Variants in CLIP2 observed in about 807,000 individuals in gnomAD.
CLIP2 encodes CAP-Gly domain containing linker protein 2.
A neutral mutation model predicts 111.7 loss-of-function variants in CLIP2; 41 were observed. The ratio of observed to expected loss-of-function variants is 0.37; its 90% CI spans 0.29 to 0.48. CLIP2 has a LOEUF of 0.48. Among genes scored for constraint, CLIP2 ranks in the 20% least tolerant of loss-of-function variants. The probability of loss-of-function intolerance (pLI) is 0.99; values close to 1 mark genes in which losing one functional copy is unlikely to be tolerated. For missense variants in CLIP2, 1,160 were observed against 1,422.1 expected (o/e 0.82, Z 2.96); for synonymous variants, 660 against 644.2 (o/e 1.02, Z -0.37).
Position 74,325,601 on chromosome 7 carries a change from G to A in CLIP2, c.121+7934G>A, listed in dbSNP as rs188767926. ...AATCCCAGCACTTTGAGAGGCCGAC[G>A]CAGGTGGATCACTTGAAGTCAGGAG... On this transcript the variant is annotated intron_variant, in intron 2 of 16. Coordinates refer to ENST00000223398, the MANE Select transcript of CLIP2 (RefSeq NM_003388.5). 1.1e-3 allele frequency among the ~76,000 whole-genome samples: 171 copies of A among 152,302 alleles called. 1 individual carries two copies. The highest frequency in any genetic ancestry group is 5.4e-4 in the Non-Finnish European group (37 of 68,032).
rs374480419 is a variant in CLIP2, at chr7:74,397,966, C to G, written c.2880+733C>G. Reference sequence around the variant, plus strand: ...ACAGGTGTCAGCCACTGCGCCCGGTCGAGATTTCTTTTCTATTATGAATAG... The same window carrying G: ...ACAGGTGTCAGCCACTGCGCCCGGTGGAGATTTCTTTTCTATTATGAATAG... On this transcript the variant is annotated intron_variant, in intron 14 of 16. Coordinates refer to ENST00000223398, the MANE Select transcript of CLIP2 (RefSeq NM_003388.5). 4.0e-5 allele frequency among the ~76,000 whole-genome samples: 6 copies of G among 151,708 alleles called. No homozygotes were observed. In the East Asian group the frequency reaches 7.8e-4, roughly 20 times the overall value.
At chr7:74,335,271 A>C (rs1196318918) in intron 2 of CLIP2, among the ~76,000 whole-genome samples, 1 of 26,060 alleles carries the variant, frequency 3.8e-5, no homozygotes, top group African/African-American at 7.0e-5. Flanking sequence ...ACTCCATCTC[A>C]AAAAAAAAAA....
At chr7:74,398,858 C>T (rs1410192455) in intron 14 of CLIP2, among the ~76,000 whole-genome samples, 1 of 152,164 alleles carries the variant, frequency 6.6e-6, no homozygotes, top group African/African-American at 2.4e-5. Context: ...CTTGAATACC[C>T]CCAGGGGCTT....
chr7:74,400,502 C>T lies in CLIP2; in HGVS notation c.3013C>T (p.Gln1005Ter). The change falls in exon 15 of 17, where the codon CAG becomes TAG. Residue 1005 changes from glutamine (Q) to a stop codon, truncating the protein, a stop_gained. Transcript: ENST00000223398. LOFTEE classifies it high-confidence loss of function. ...CCTGCGGGATGCGCTGGACCAGGCT[C>T]AGCAGGTGGAGAAGCTGATGGAGGC... ...DALRDALDQAQQVEKLMEAMR... is the reference protein window; with the variant it reads ...DALRDALDQA 6.2e-7 allele frequency: 1 copy of T among 1,611,894 alleles called. No homozygotes were observed. Among genetic ancestry groups the T allele is most frequent in the Non-Finnish European group, 8.5e-7 (1 of 1,178,892 alleles).
intron 2 of CLIP2, among the ~76,000 whole-genome samples, chr7:74,325,668 C>G (rs1554730600): frequency 6.6e-6 from 1 of 151,878 alleles, no homozygotes; most frequent in East Asian, 1.9e-4. Context: ...CTCGTCTCTA[C>G]TAAAAATACA....
chr7:74,319,770 A>G (rs1788891771), intron 2 of CLIP2, among the ~76,000 whole-genome samples: 1 of 151,588 alleles, frequency 6.6e-6, no homozygotes, highest in African/African-American at 2.4e-5. Context: ...GCAGTGAGCC[A>G]TGATCACACC....
At chr7:74,359,161 G>T (rs112166126) in intron 6 of CLIP2, among the ~76,000 whole-genome samples, 100 of 151,198 alleles carry the variant, frequency 6.6e-4, no homozygotes, top group African/African-American at 2.2e-3. Context: ...TAGAGAAGGG[G>T]TTTCACCATG....
chr7:74,323,694 G>A (rs1437498988), intron 2 of CLIP2, among the ~76,000 whole-genome samples: 2 of 152,182 alleles, frequency 1.3e-5, no homozygotes, highest in Non-Finnish European at 2.9e-5. Flanking sequence ...CCAAAGTGCT[G>A]GGATCACAGG....
At chr7:74,337,380 T>C (rs1165474085) in intron 2 of CLIP2, among the ~76,000 whole-genome samples, 1 of 152,028 alleles carries the variant, frequency 6.6e-6, no homozygotes, top group Non-Finnish European at 1.5e-5. Context: ...CTGGTAGCCT[T>C]TTGTGGGCCC....
intron 2 of CLIP2, among the ~76,000 whole-genome samples, chr7:74,324,923 C>A (rs1013020658): frequency 1.3e-5 from 2 of 152,094 alleles, no homozygotes; most frequent in African/African-American, 4.8e-5. Flanking sequence ...CTCACCCACC[C>A]ATGCAACTGT....
intron 12 of CLIP2, chr7:74,388,829 T>A (rs1554315283): frequency 1.4e-5 from 4 of 286,278 alleles, no homozygotes; most frequent in East Asian, 1.4e-4. Flanking sequence ...GATGGTGCAC[T>A]CCTGTAGTCC....
At chr7:74,318,627 C>T (rs941760897) in intron 2 of CLIP2, among the ~76,000 whole-genome samples, 1 of 151,960 alleles carries the variant, frequency 6.6e-6, no homozygotes, top group Non-Finnish European at 1.5e-5. Flanking sequence ...GCAGGAAAAT[C>T]GTTTGAACTC....
At chr7:74,401,777 A>G in intron 16 of CLIP2, 1 of 695,644 alleles carries the variant, frequency 1.4e-6, no homozygotes, top group East Asian at 2.8e-5. Flanking sequence ...TTCTTAAAAA[A>G]GTTATAGGTT....
chr7:74,321,051 C>T (rs1214151944), intron 2 of CLIP2, among the ~76,000 whole-genome samples: 2 of 152,154 alleles, frequency 1.3e-5, no homozygotes, highest in Non-Finnish European at 2.9e-5. Context: ...TCTCATGCCC[C>T]TCCTAGCCCT....
intron 2 of CLIP2, among the ~76,000 whole-genome samples, chr7:74,329,088 T>TG (rs1789203406): frequency 5.0e-5 from 1 of 19,988 alleles, no homozygotes; most frequent in Non-Finnish European, 2.2e-4. Context: ...TTTTTTTTGG[T>TG]TTTTTTTTTT....
At chr7:74,320,648 G>A (rs1788923787) in intron 2 of CLIP2, among the ~76,000 whole-genome samples, 1 of 152,202 alleles carries the variant, frequency 6.6e-6, no homozygotes, top group African/African-American at 2.4e-5. Context: ...GCCAGGTGGG[G>A]ATACCAGTGA....
chr7:74,380,754 T>TGGGGCC, intron 10 of CLIP2, 52 bp from the exon 11 acceptor site: 1 of 1,511,304 alleles, frequency 6.6e-7, no homozygotes, highest in Non-Finnish European at 9.0e-7. Context: ...TGGCTGGGGC[T>TGGGGCC]GGGGCCAAGG....
chr7:74,392,336 G>A (rs1156846895), intron 13 of CLIP2, among the ~76,000 whole-genome samples: 4 of 141,492 alleles, frequency 2.8e-5, no homozygotes, highest in South Asian at 2.3e-4. Context: ...GGGCGACAGA[G>A]TGAGACTCCA....
intron 6 of CLIP2, 37 bp from the exon 7 acceptor site, chr7:74,360,138 C>T: frequency 1.3e-6 from 2 of 1,529,514 alleles, no homozygotes; most frequent in Non-Finnish European, 1.8e-6. Flanking sequence ...TACCCCGGAG[C>T]ATGCTGACCC....
Sources: gnomAD v4.1 joint callset for allele counts (sites outside exome capture counted in the v4.1 genomes callset) on GRCh38, gnomAD v4.1.1 for gene constraint, MANE v1.5 for transcripts, NCBI Gene and HGNC (gene_info 2026-07-23, HGNC 2026-07-21) for gene names.